NR2C2: variants seen among roughly 807,000 people sequenced by gnomAD.
NR2C2 encodes the protein nuclear receptor subfamily 2 group C member 2.
A neutral mutation model predicts 62.9 loss-of-function variants in NR2C2; 6 were observed. That is an observed-to-expected ratio of 0.10 (90% CI 0.05 to 0.19). The LOEUF (loss-of-function observed/expected upper bound fraction) is 0.19. Among genes scored for constraint, NR2C2 ranks in the 10% least tolerant of loss-of-function variants. NR2C2 has a pLI of 1.00. For missense variants in NR2C2, 479 were observed against 762.7 expected (o/e 0.63, Z 4.38); for synonymous variants, 272 against 273.8 (o/e 0.99, Z 0.07).
At chr3:14,984,621 G>A (rs1486803561) in intron 1 of NR2C2, among the ~76,000 whole-genome samples, 1 of 152,128 alleles carries the variant, frequency 6.6e-6, no homozygotes, top group Non-Finnish European at 1.5e-5. Context: ...CCGTATTGTT[G>A]CATATATCAG....
In NR2C2 at chr3:15,042,795, TCAAA is replaced by T. The variant is rs770621667; in HGVS notation, c.1617-36_1617-33del. On this transcript the variant is annotated intron_variant, in intron 13 of 13. Transcript: ENST00000425241. ...TTTGCTGAGCTGTGGTTGAAGGGCA[TCAAA>T]CAGTCTCCTTTTCTAATGACACTCC... 2.0e-5 allele frequency: 32 copies of T among 1,593,190 alleles called. No homozygotes were observed. The African/African-American group carries it at 2.7e-4, about 13-fold the overall frequency.
At chr3:14,960,331 A>G (rs904775733) in intron 1 of NR2C2, among the ~76,000 whole-genome samples, 2 of 152,234 alleles carry the variant, frequency 1.3e-5, no homozygotes, top group Admixed American at 1.3e-4. Context: ...CTAAACTTAA[A>G]CAGATTTACT....
intron 1 of NR2C2, among the ~76,000 whole-genome samples, chr3:14,954,509 TA>T (rs2039467254): frequency 6.6e-6 from 1 of 152,034 alleles, no homozygotes; most frequent in Admixed American, 6.6e-5. Flanking sequence ...AATGGAGAAA[TA>T]AATTGGGCAT....
At chr3:15,002,645 CTTTTTTTTTTTTTTTTTTTTTT>C (rs371981775) in intron 1 of NR2C2, among the ~76,000 whole-genome samples, 1 of 39,484 alleles carries the variant, frequency 2.5e-5, no homozygotes, top group Non-Finnish European at 4.7e-5. Flanking sequence ...TCACAATATA[CTTTTTTTTTTTTTTTTTTTTTT>C]TTTTTTTTGA....
At chr3:15,025,255 A>G (rs748678109) in intron 7 of NR2C2, among the ~76,000 whole-genome samples, 1 of 152,252 alleles carries the variant, frequency 6.6e-6, no homozygotes, top group Non-Finnish European at 1.5e-5. Flanking sequence ...CTATTGGGCC[A>G]TCCACACACA....
intron 1 of NR2C2, among the ~76,000 whole-genome samples, chr3:14,999,052 C>T (rs761163771): frequency 8.5e-5 from 13 of 152,130 alleles, no homozygotes; most frequent in Non-Finnish European, 1.5e-4. Flanking sequence ...TGCAGTGGCT[C>T]ACGCCTGTAA....
At chr3:14,972,581 C>T (rs1487975937) in intron 1 of NR2C2, among the ~76,000 whole-genome samples, 3 of 152,112 alleles carry the variant, frequency 2.0e-5, no homozygotes, top group African/African-American at 7.2e-5. Flanking sequence ...TGTCATTGAG[C>T]TGTAGGAATT....
chr3:15,009,714 A>G (rs1311824024), intron 2 of NR2C2, among the ~76,000 whole-genome samples: 1 of 152,248 alleles, frequency 6.6e-6, no homozygotes, highest in Non-Finnish European at 1.5e-5. Context: ...GGGCTGTCAC[A>G]ATAAATTACC....
rs192928504 is a variant in NR2C2, at chr3:15,031,395, A to G, written c.1110+943A>G. Among the ~76,000 whole-genome samples, 726 of 151,058 alleles carry G rather than the reference A, an allele frequency of 4.8e-3. 5 individuals are homozygous for G. Among genetic ancestry groups the G allele is most frequent in the African/African-American group, 0.016 (662 of 41,024 alleles). ...ATTTTTTTTTTTTTTAAACAAATAC[A>G]TAGGCTGAAGCGTAGTGATGTGATT... On this transcript the variant is annotated intron_variant, in intron 9 of 13. Transcript: ENST00000425241.
Position 15,004,585 on chromosome 3 carries a change from G to C in NR2C2, c.72+599G>C, listed in dbSNP as rs752017544. On this transcript the variant is annotated intron_variant, in intron 2 of 13. Transcript: ENST00000425241. ...TCTGAACCTGCCTCTGGCCCATTGA[G>C]TGTTTTCACATCTTTGAACAAAGAG... 3.1e-6 allele frequency: 5 copies of C among 1,612,910 alleles called. No homozygotes were observed. In the African/African-American group the frequency reaches 6.7e-5, roughly 22 times the overall value.
At position 15,029,848 on chromosome 3, in the gene NR2C2, T is replaced by TATAGATAGAC. The variant is rs1559304069; in HGVS notation, c.933-426_933-425insTAGATAGACA. On this transcript the variant is annotated intron_variant, in intron 8 of 13. Transcript: ENST00000425241. ...AGATAGATAGATAGATAGATATAGA[T>TATAGATAGAC]AGACCCCATCTCTGAAAGAGAGAAA... Among the ~76,000 whole-genome samples, 333 of 145,294 alleles carry TATAGATAGAC rather than the reference T, an allele frequency of 2.3e-3. 2 individuals carry two copies. The highest frequency in any genetic ancestry group is 8.1e-3 in the African/African-American group (316 of 38,900).
intron 1 of NR2C2, among the ~76,000 whole-genome samples, chr3:14,977,735 C>T (rs796070329): frequency 2.6e-5 from 4 of 151,958 alleles, no homozygotes; most frequent in South Asian, 2.1e-4. Flanking sequence ...GAGGCCGAGG[C>T]GGGCGGATTG....
Position 15,024,171 on chromosome 3 carries a change from G to C in NR2C2, c.761G>C (p.Arg254Pro), listed in dbSNP as rs770972367. 8 of 1,612,500 alleles carry C rather than the reference G, an allele frequency of 5.0e-6. No homozygotes were observed. In the South Asian group the frequency reaches 7.7e-5, roughly 16 times the overall value. Residue 254 changes from arginine (R) to proline (P), a missense_variant, in exon 7 of 14, where the codon CGT (arginine) becomes CCT (proline). By Grantham distance (103) the Arg-to-Pro change is moderately radical (BLOSUM62 -2). This residue lies in a region of NR2C2 where 151 missense variants were observed against 176.1 expected (regional missense o/e 0.86). Transcript: ENST00000425241. The stretch of plus-strand genomic sequence containing the variant: ...GTGAACATCCAGCAGCCTTTGATAC[G>C]TGAGGATGGTACAGTTCTCCTGGCC... ...MLVNIQQPLI[R>P]EDGTVLLATD...
At chr3:14,950,070 T>C (rs947778017) in intron 1 of NR2C2, among the ~76,000 whole-genome samples, 1 of 152,208 alleles carries the variant, frequency 6.6e-6, no homozygotes, top group African/African-American at 2.4e-5. Flanking sequence ...GAAAAGTGCC[T>C]GACATGTAGC....
chr3:14,949,273 A>T (rs2039268903), intron 1 of NR2C2, among the ~76,000 whole-genome samples: 1 of 152,156 alleles, frequency 6.6e-6, no homozygotes, highest in Non-Finnish European at 1.5e-5. Flanking sequence ...CTGAGGCGTT[A>T]ATTTAGATGG....
At chr3:15,024,281 C>T (rs1156333421) in intron 7 of NR2C2, 73 bp downstream of exon 7, 8 of 982,170 alleles carry the variant, frequency 8.1e-6, no homozygotes, top group East Asian at 2.6e-5. Flanking sequence ...ACTGTGTGCA[C>T]CACTTTCTTC....
intron 1 of NR2C2, among the ~76,000 whole-genome samples, chr3:14,992,526 A>AT (rs2040700809): frequency 6.6e-6 from 1 of 152,186 alleles, no homozygotes; most frequent in South Asian, 2.1e-4. Flanking sequence ...TGTGGGCCTA[A>AT]TATGTGCCTG....
intron 1 of NR2C2, among the ~76,000 whole-genome samples, chr3:14,969,015 T>C (rs1367022457): frequency 5.8e-5 from 8 of 139,116 alleles, no homozygotes; most frequent in South Asian, 2.5e-4. Context: ...AGGGATAGCA[T>C]TGGGAGATAT....
intron 1 of NR2C2, among the ~76,000 whole-genome samples, chr3:14,949,742 A>C (rs1167510231): frequency 6.6e-6 from 1 of 151,970 alleles, no homozygotes; most frequent in African/African-American, 2.4e-5. Flanking sequence ...ACTGGTCCTC[A>C]AACATGTGAA....
Sources: allele counts gnomAD v4.1 joint callset (sites outside exome capture counted in the v4.1 genomes callset), GRCh38; gene constraint gnomAD v4.1.1; regional missense constraint gnomAD v4.1.1; transcripts MANE v1.5; gene names NCBI Gene and HGNC (gene_info 2026-07-23, HGNC 2026-07-21).